The following SND1 variants were observed in gnomAD, a reference collection of about 807,000 sequenced individuals.
SND1 encodes staphylococcal nuclease domain-containing protein 1.
A neutral mutation model predicts 121.7 loss-of-function variants in SND1; 38 were observed. That is an observed-to-expected ratio of 0.31 (90% CI 0.24 to 0.41). The LOEUF is 0.41. Ranked by LOEUF, SND1 falls within the 10% of genes least tolerant of loss-of-function variation. SND1 has a pLI of 1.00. For synonymous variants in SND1, 401 were observed against 447.4 expected, an observed-to-expected ratio of 0.90 and a Z score of 1.31; for missense variants, 868 against 1,184.6, an observed-to-expected ratio of 0.73 and a Z score of 3.92.
intron 12 of SND1, 62 bp downstream of exon 12, chr7:127,844,486 A>G: frequency 7.7e-7 from 1 of 1,298,772 alleles, no homozygotes; most frequent in Non-Finnish European, 1.1e-6. Context: ...TTCTTTGCTC[A>G]TTTGAATCTT....
intron 16 of SND1, among the ~76,000 whole-genome samples, chr7:128,003,389 A>G (rs575128353): frequency 6.6e-6 from 1 of 152,260 alleles, no homozygotes; most frequent in East Asian, 1.9e-4. Flanking sequence ...TTTCCTTTTC[A>G]GCTTAACATA....
intron 15 of SND1, among the ~76,000 whole-genome samples, chr7:127,962,906 G>A (rs1338698801): frequency 3.3e-5 from 5 of 152,154 alleles, no homozygotes; most frequent in Non-Finnish European, 7.4e-5. Flanking sequence ...CTGAGCCAAA[G>A]CTTCTCTAAG....
chr7:128,058,424 A>G (rs1307462988), intron 16 of SND1, among the ~76,000 whole-genome samples: 2 of 152,366 alleles, frequency 1.3e-5, no homozygotes. Context: ...AACTCCCTCC[A>G]GGTCCCTGAA....
At chr7:127,828,143 C>T (rs1489873705) in intron 11 of SND1, among the ~76,000 whole-genome samples, 6 of 151,866 alleles carry the variant, frequency 4.0e-5, no homozygotes, top group Admixed American at 3.9e-4. Flanking sequence ...ATTACAGGCG[C>T]CCACCACCAT....
chr7:127,872,514 G>C (rs1324723139), intron 12 of SND1, among the ~76,000 whole-genome samples: 1 of 151,926 alleles, frequency 6.6e-6, no homozygotes, highest in African/African-American at 2.4e-5. Flanking sequence ...CATTTGTTTT[G>C]TTGTGCTCTT....
intron 1 of SND1, among the ~76,000 whole-genome samples, chr7:127,670,690 T>C (rs1031587915): frequency 6.6e-6 from 1 of 152,020 alleles, no homozygotes; most frequent in Admixed American, 6.5e-5. Flanking sequence ...TTATTTTTAA[T>C]TTTTCTGTAG....
chr7:127,802,726 A>G (rs1199981583), intron 10 of SND1, among the ~76,000 whole-genome samples: 1 of 152,108 alleles, frequency 6.6e-6, no homozygotes, highest in African/African-American at 2.4e-5. Flanking sequence ...ATCTCCACTC[A>G]GGTATCTAAT....
intron 16 of SND1, among the ~76,000 whole-genome samples, chr7:128,000,570 A>T (rs931886805): frequency 1.3e-5 from 2 of 151,834 alleles, no homozygotes; most frequent in African/African-American, 4.8e-5. Context: ...GGCTTTCACC[A>T]TGTTGCCCAG....
chr7:127,743,593 G>A (rs1213782109), intron 10 of SND1, among the ~76,000 whole-genome samples: 3 of 152,154 alleles, frequency 2.0e-5, no homozygotes, highest in East Asian at 1.9e-4. Context: ...TTTTGAAAAA[G>A]CATTGAAGCT....
rs1273339226 is a variant in SND1 at position 128,092,458 on chromosome 7, T to C, written c.*400T>C. 1 of 219,426 alleles carries C rather than the reference T, an allele frequency of 4.6e-6. No homozygotes were observed. The highest frequency in any genetic ancestry group is 5.1e-5 in the Admixed American group (1 of 19,576). 13.6% of individuals were successfully genotyped at this position (219,426 alleles called of 1,614,324 possible). A position where few individuals can be genotyped will look rare whatever the true frequency, so the allele number is the denominator to read the frequency against. On this transcript the variant is annotated 3_prime_UTR_variant, in exon 24 of 24. Coordinates refer to ENST00000354725, the MANE Select transcript of SND1 (RefSeq NM_014390.4). This position sits in a 1 kb window ranked among gnomAD's most constrained non-coding sequence, Gnocchi z 4.9. ...TCCCAGACTGCCCTCGTCCCAGCTC[T>C]CTGTCCAACTGTTGATTATGTGATT... is the stretch of plus-strand genomic sequence containing the variant.
intron 10 of SND1, among the ~76,000 whole-genome samples, chr7:127,722,217 G>C: frequency 6.6e-6 from 1 of 152,018 alleles, no homozygotes; most frequent in East Asian, 1.9e-4. Context: ...TCCTCAGTGA[G>C]AGCCAGCGCC....
chr7:128,055,317 T>C (rs1289247530), intron 16 of SND1, among the ~76,000 whole-genome samples: 1 of 152,140 alleles, frequency 6.6e-6, no homozygotes, highest in East Asian at 1.9e-4. Context: ...TGGCTGATGT[T>C]CCCACCACAG....
chr7:127,968,068 TA>T (rs1426798507), intron 15 of SND1, among the ~76,000 whole-genome samples: 1 of 152,246 alleles, frequency 6.6e-6, no homozygotes, highest in Non-Finnish European at 1.5e-5. Context: ...CACACAGCTT[TA>T]ATTAGGGATG....
In SND1 at chr7:127,739,066, C is replaced by T. The variant is rs533073627; in HGVS notation, c.1152+17666C>T. 4.6e-5 allele frequency among the ~76,000 whole-genome samples: 7 copies of T among 152,304 alleles called. No homozygotes were observed. In the South Asian group the frequency reaches 1.5e-3, roughly 32 times the overall value. ...GACATTGGCTCCCTCTGGTTCAGTT[C>T]TGATGAAACAGAGCAGTGGGTTTGT... On this transcript the variant is annotated intron_variant, in intron 10 of 23. Coordinates refer to ENST00000354725, the MANE Select transcript of SND1 (RefSeq NM_014390.4).
At chr7:127,705,582 CAGATGT>C (rs869192058) in intron 8 of SND1, among the ~76,000 whole-genome samples, 1,282 of 18,430 alleles carry the variant, frequency 0.07, 18 homozygotes, top group African/African-American at 0.099. Flanking sequence ...GATGTAGATG[CAGATGT>C]AGATGTAGAT....
intron 14 of SND1, among the ~76,000 whole-genome samples, 167 bp downstream of exon 14, chr7:127,904,986 C>T (rs1458357220): frequency 6.6e-6 from 1 of 152,098 alleles, no homozygotes; most frequent in Non-Finnish European, 1.5e-5. Flanking sequence ...CTATAGGGAG[C>T]CTGTTTTATT....
At position 127,858,085 on chromosome 7, in the gene SND1, G is replaced by A. The variant is rs1267860454; in HGVS notation, c.1343+13661G>A. ...TGCTTCTCCTCTCTGGGTAGGGGTT[G>A]GGGTCTCCAGTTCCCCCTCTGCCAC... On this transcript the variant is annotated intron_variant, in intron 12 of 23. Coordinates refer to ENST00000354725, the MANE Select transcript of SND1 (RefSeq NM_014390.4). 61 of 990,254 alleles carry A rather than the reference G, an allele frequency of 6.2e-5. No homozygotes were observed. The Admixed American group carries it at 1.0e-3, about 17-fold the overall frequency. The allele number at this position is 990,254 out of a possible 1,614,324, so 61.3% of individuals were successfully genotyped here. A position where few individuals can be genotyped will look rare whatever the true frequency, so the allele number is the denominator to read the frequency against.
intron 1 of SND1, among the ~76,000 whole-genome samples, chr7:127,667,634 A>G (rs937545293): frequency 9.9e-5 from 15 of 152,192 alleles, no homozygotes; most frequent in African/African-American, 3.6e-4. Flanking sequence ...AAAGGAAGTT[A>G]AAGGAAGGGG....
At chr7:127,804,216 A>G (rs1156922799) in intron 10 of SND1, among the ~76,000 whole-genome samples, 2 of 152,144 alleles carry the variant, frequency 1.3e-5, no homozygotes, top group African/African-American at 2.4e-5. Flanking sequence ...GGGACTTCTA[A>G]TATCTCTCTT....
Sources: gnomAD v4.1 joint callset for allele counts (sites outside exome capture counted in the v4.1 genomes callset) on GRCh38, gnomAD v4.1.1 for gene constraint, Gnocchi (gnomAD v3.1) non-coding constraint, MANE v1.5 for transcripts, NCBI Gene and HGNC (gene_info 2026-07-23, HGNC 2026-07-21) for gene names.